The following GALNTL6 variants were observed in gnomAD, a reference collection of about 807,000 sequenced individuals.
GALNTL6 encodes polypeptide N-acetylgalactosaminyltransferase like 6, also known as polypeptide N-acetylgalactosaminyltransferase-like 6.
In GALNTL6, 46 loss-of-function variants were observed where a neutral mutation model predicts 73.7. That is an observed-to-expected ratio of 0.62 (90% CI 0.49 to 0.80). The LOEUF (loss-of-function observed/expected upper bound fraction) is 0.80, where lower values mean the gene tolerates loss of function less well. Ranked by LOEUF, GALNTL6 falls within the 30% of genes least tolerant of loss-of-function variation. The pLI is 0.00. For synonymous variants in GALNTL6, 259 were observed against 263.7 expected (o/e 0.98, Z 0.17); for missense variants, 604 against 755.0 (o/e 0.80, Z 2.34).
At chr4:172,437,828 C>T (rs377614066) in intron 5 of GALNTL6, among the ~76,000 whole-genome samples, 39 of 151,986 alleles carry the variant, frequency 2.6e-4, no homozygotes, top group African/African-American at 7.7e-4. Flanking sequence ...GCTGATTGAC[C>T]GTCTGAGTCC....
intron 8 of GALNTL6, among the ~76,000 whole-genome samples, chr4:172,905,255 C>T (rs940078110): frequency 6.6e-6 from 1 of 152,072 alleles, no homozygotes; most frequent in Non-Finnish European, 1.5e-5. Context: ...AAACCATTAA[C>T]CTAATTTATT....
At chr4:172,079,540 G>A (rs1227734722) in intron 2 of GALNTL6, among the ~76,000 whole-genome samples, 1 of 152,106 alleles carries the variant, frequency 6.6e-6, no homozygotes, top group South Asian at 2.1e-4. Flanking sequence ...CTCCAGAAAT[G>A]CTGTACCAGT....
At chr4:172,818,359 CT>C (rs1741725837) in intron 7 of GALNTL6, among the ~76,000 whole-genome samples, 2 of 152,186 alleles carry the variant, frequency 1.3e-5, no homozygotes, top group Admixed American at 1.3e-4. Context: ...CAGAATCCAC[CT>C]CTATTCTGTC....
intron 5 of GALNTL6, among the ~76,000 whole-genome samples, chr4:172,612,353 T>G (rs1382046757): frequency 6.6e-6 from 1 of 152,118 alleles, no homozygotes; most frequent in African/African-American, 2.4e-5. Flanking sequence ...AAAGATGGAT[T>G]TATGTCACAT....
chr4:172,365,519 A>G (rs1742525359), intron 5 of GALNTL6, among the ~76,000 whole-genome samples: 1 of 152,138 alleles, frequency 6.6e-6, no homozygotes, highest in South Asian at 2.1e-4. Context: ...TTAATAATTA[A>G]TATTTGCTAA....
At chr4:172,246,283 T>G (rs912768351) in intron 3 of GALNTL6, among the ~76,000 whole-genome samples, 1 of 152,126 alleles carries the variant, frequency 6.6e-6, no homozygotes, top group African/African-American at 2.4e-5. Flanking sequence ...ATGACTAGAT[T>G]AATTTAATAG....
chr4:172,436,020 A>G (rs1451902968), intron 5 of GALNTL6, among the ~76,000 whole-genome samples: 1 of 151,438 alleles, frequency 6.6e-6, no homozygotes, highest in African/African-American at 2.4e-5. Context: ...ACTCTTTAAC[A>G]GGGCAATGAA....
intron 7 of GALNTL6, among the ~76,000 whole-genome samples, chr4:172,830,258 A>G (rs544923008): frequency 4.3e-4 from 66 of 152,248 alleles, no homozygotes; most frequent in Non-Finnish European, 7.9e-4. Flanking sequence ...TTGAAAAAAT[A>G]TATGCGAATG....
intron 5 of GALNTL6, among the ~76,000 whole-genome samples, chr4:172,528,982 C>CAT (rs1735074628): frequency 1.1e-4 from 1 of 9,140 alleles, no homozygotes. Context: ...TATATTTATA[C>CAT]ATATGTGTGT....
At chr4:172,339,775 C>T (rs2111198518) in intron 4 of GALNTL6, among the ~76,000 whole-genome samples, 1 of 152,324 alleles carries the variant, frequency 6.6e-6, no homozygotes, top group South Asian at 2.1e-4. Flanking sequence ...CTCTGCCCCT[C>T]TCATGTATTG....
chr4:172,121,498 C>T (rs1733150058), intron 2 of GALNTL6, among the ~76,000 whole-genome samples: 1 of 152,222 alleles, frequency 6.6e-6, no homozygotes, highest in East Asian at 1.9e-4. Context: ...TTACCCACAA[C>T]CCACAAGCAT....
At chr4:172,149,020 A>G (rs572078100) in intron 2 of GALNTL6, among the ~76,000 whole-genome samples, 2 of 152,266 alleles carry the variant, frequency 1.3e-5, no homozygotes, top group African/African-American at 4.8e-5. Flanking sequence ...CAGCTCATGT[A>G]TCAAGTTTAC....
intron 2 of GALNTL6, among the ~76,000 whole-genome samples, chr4:171,896,813 T>C (rs903400049): frequency 6.6e-6 from 1 of 152,178 alleles, no homozygotes; most frequent in African/African-American, 2.4e-5. Flanking sequence ...ATTAAGTATG[T>C]AGACTGTAAT....
intron 5 of GALNTL6, among the ~76,000 whole-genome samples, chr4:172,613,399 G>A (rs2111053942): frequency 6.6e-6 from 1 of 152,048 alleles, no homozygotes; most frequent in East Asian, 1.9e-4. Flanking sequence ...GGAAAGAACT[G>A]CAAGTTCAAA....
At chr4:172,229,391 C>T (rs764781337) in intron 2 of GALNTL6, among the ~76,000 whole-genome samples, 14 of 152,064 alleles carry the variant, frequency 9.2e-5, no homozygotes, top group African/African-American at 1.7e-4. Flanking sequence ...ACAGGTGACA[C>T]GCTAAATATT....
chr4:172,282,912 G>T (rs1035927366), intron 3 of GALNTL6, among the ~76,000 whole-genome samples: 1 of 152,078 alleles, frequency 6.6e-6, no homozygotes, highest in Non-Finnish European at 1.5e-5. Flanking sequence ...TGCATGATAC[G>T]GTTTATTCAT....
intron 5 of GALNTL6, among the ~76,000 whole-genome samples, chr4:172,568,128 G>A (rs1579197021): frequency 6.6e-6 from 1 of 152,080 alleles, no homozygotes; most frequent in Non-Finnish European, 1.5e-5. Context: ...GCTCAAAAAT[G>A]GATGTATCTT....
intron 7 of GALNTL6, among the ~76,000 whole-genome samples, chr4:172,847,315 G>T (rs1446828629): frequency 2.0e-5 from 3 of 151,824 alleles, no homozygotes; most frequent in Non-Finnish European, 4.4e-5. Context: ...CTCCTCTTTG[G>T]AACTAGCAAT....
chr4:171,987,218 C>G (rs1391274626), intron 2 of GALNTL6, among the ~76,000 whole-genome samples: 1 of 152,094 alleles, frequency 6.6e-6, no homozygotes, highest in Non-Finnish European at 1.5e-5. Flanking sequence ...GGTGGCTGAG[C>G]TTGGTGAGGT....
Sources: allele counts gnomAD v4.1 joint callset (sites outside exome capture counted in the v4.1 genomes callset), GRCh38; gene constraint gnomAD v4.1.1; transcripts MANE v1.5; gene names NCBI Gene and HGNC (gene_info 2026-07-23, HGNC 2026-07-21).